CLVS1: variants seen among roughly 807,000 people sequenced by gnomAD.
CLVS1 encodes clavesin 1, also known as clavesin-1.
Under a neutral mutation model 33.1 loss-of-function variants are expected in CLVS1, and 10 were observed. The ratio of observed to expected loss-of-function variants is 0.30; its 90% CI spans 0.19 to 0.51. The LOEUF (loss-of-function observed/expected upper bound fraction) is 0.51. Ranked by LOEUF, CLVS1 falls within the 20% of genes least tolerant of loss-of-function variation. The probability of loss-of-function intolerance (pLI) is 0.97; values close to 1 mark genes in which losing one functional copy is unlikely to be tolerated. For missense variants in CLVS1, 343 were observed against 433.4 expected (o/e 0.79, Z 1.85); for synonymous variants, 163 against 166.1 (o/e 0.98, Z 0.14).
At chr8:61,427,122 A>C (rs527928114) in intron 3 of CLVS1, among the ~76,000 whole-genome samples, 1 of 152,352 alleles carries the variant, frequency 6.6e-6, no homozygotes, top group South Asian at 2.1e-4. Context: ...AAAGTTGATT[A>C]GAGTTTTGTT....
chr8:61,340,161 A>C (rs1811979143), intron 2 of CLVS1, among the ~76,000 whole-genome samples: 2 of 152,182 alleles, frequency 1.3e-5, no homozygotes, highest in African/African-American at 2.4e-5. Flanking sequence ...GGAGAGGAGA[A>C]AGTTAACATA....
chr8:61,137,013 G>A (rs1268191970), intron 2 of CLVS1, among the ~76,000 whole-genome samples: 2 of 152,196 alleles, frequency 1.3e-5, no homozygotes, highest in Non-Finnish European at 2.9e-5. Flanking sequence ...ACTTCTTCAA[G>A]TACAATGGGG....
chr8:61,256,793 A>T (rs1292844412), intron 2 of CLVS1, among the ~76,000 whole-genome samples: 2 of 152,240 alleles, frequency 1.3e-5, no homozygotes, highest in Non-Finnish European at 2.9e-5. Context: ...GTGACAAGTG[A>T]AGGAAGCAAT....
chr8:61,365,269 T>A (rs1813149823), intron 2 of CLVS1, among the ~76,000 whole-genome samples: 1 of 152,162 alleles, frequency 6.6e-6, no homozygotes, highest in South Asian at 2.1e-4. Context: ...GGCTCACGTC[T>A]GTAATCCCAG....
rs982685810 is a variant in CLVS1 at position 61,228,178 on chromosome 8, T to A, written c.-151-71499T>A. On this transcript the variant is annotated intron_variant, in intron 2 of 2. Transcript: ENST00000522621. ...ATCCATTTTAAAATTTGATTTTATT[T>A]AAAAAATTTTTAATTGACAAGTAAA... Among the ~76,000 whole-genome samples the A allele has an allele frequency of 2.6e-5, 4 of 152,206 alleles. No individual in the cohort carries two copies. In the South Asian group the frequency reaches 6.2e-4, roughly 24 times the overall value.
At chr8:61,293,644 G>A (rs16927156) in intron 1 of CLVS1, among the ~76,000 whole-genome samples, 35,596 of 151,876 alleles carry the variant, frequency 0.23, 6,964 homozygotes, top group East Asian at 0.84. Flanking sequence ...AATTTCTTTT[G>A]GTATTCCTAG....
intron 2 of CLVS1, among the ~76,000 whole-genome samples, chr8:61,156,675 T>A (rs55737817): frequency 6.6e-6 from 1 of 152,168 alleles, no homozygotes; most frequent in Non-Finnish European, 1.5e-5. Flanking sequence ...GGAAGGAAAA[T>A]TTTTAAACAA....
chr8:60,968,537 T>C, the CLVS1 span, among the ~76,000 whole-genome samples: 1 of 151,320 alleles, frequency 6.6e-6, no homozygotes, highest in Non-Finnish European at 1.5e-5. Context: ...AAAATCAAAT[T>C]TATAACCTGT....
At chr8:61,017,715 C>T in the CLVS1 span, among the ~76,000 whole-genome samples, 1 of 152,314 alleles carries the variant, frequency 6.6e-6, no homozygotes, top group Non-Finnish European at 1.5e-5. Context: ...AGTTTGCAAC[C>T]TTTAGAAGCA....
At chr8:61,200,747 T>C (rs902237546) in intron 2 of CLVS1, among the ~76,000 whole-genome samples, 4 of 152,242 alleles carry the variant, frequency 2.6e-5, no homozygotes, top group African/African-American at 9.6e-5. Flanking sequence ...CAGGACTAGT[T>C]ATCATCACTT....
chr8:61,059,499 T>TATAC lies in CLVS1; in HGVS notation c.-243+2270_-243+2271insTACA, dbSNP rs1265187479. On this transcript the variant is annotated intron_variant, in intron 1 of 2. Coordinates refer to the CLVS1 transcript ENST00000522621. ...ACATATATATATATATATATATATA[T>TATAC]ACACATATCTTGAAAATAGCACGAG... Among the ~76,000 whole-genome samples the TATAC allele has an allele frequency of 3.9e-4, 38 of 96,368 alleles. 2 individuals are homozygous for TATAC. Among genetic ancestry groups the TATAC allele is most frequent in the East Asian group, 3.9e-3 (7 of 1,818 alleles). 63.2% of individuals were successfully genotyped at this position (96,368 alleles called of 152,430 possible). A position where few individuals can be genotyped will look rare whatever the true frequency, so the allele number is the denominator to read the frequency against.
the CLVS1 span, among the ~76,000 whole-genome samples, chr8:60,986,874 T>G: frequency 6.6e-6 from 1 of 152,198 alleles, no homozygotes; most frequent in African/African-American, 2.4e-5. Flanking sequence ...GTAGTATCAT[T>G]CCTCAAACTG....
intron 2 of CLVS1, among the ~76,000 whole-genome samples, chr8:61,166,371 T>G (rs1806865716): frequency 6.6e-6 from 1 of 152,140 alleles, no homozygotes; most frequent in Admixed American, 6.6e-5. Context: ...TAACCTCAGG[T>G]GATCCTCCTG....
chr8:61,133,101 A>C (rs559223928), intron 2 of CLVS1, among the ~76,000 whole-genome samples: 6 of 152,224 alleles, frequency 3.9e-5, no homozygotes, highest in Non-Finnish European at 7.3e-5. Context: ...GCATCTGGGA[A>C]GCATCAACCA....
intron 1 of CLVS1, among the ~76,000 whole-genome samples, chr8:61,077,906 T>C (rs1303707366): frequency 1.3e-5 from 2 of 152,196 alleles, no homozygotes; most frequent in Non-Finnish European, 2.9e-5. Flanking sequence ...TGCGTTGCCA[T>C]GCACTGGGCA....
intron 5 of CLVS1, among the ~76,000 whole-genome samples, chr8:61,461,513 C>G (rs1310423549): frequency 6.6e-6 from 1 of 152,140 alleles, no homozygotes. Context: ...ATTTTTTGAA[C>G]TCCATGCATA....
rs143530705 is a variant in CLVS1 at position 61,438,175 on chromosome 8, G to C, written c.631-15966G>C. Among the ~76,000 whole-genome samples, 104 of 152,086 alleles carry C rather than the reference G, an allele frequency of 6.8e-4. 1 individual carries two copies. Among genetic ancestry groups the C allele is most frequent in the African/African-American group, 2.5e-3 (104 of 41,490 alleles). ...CTATTTTTCCTGATGCTCTCTGCTC[G>C]CACCCCCAACCTCCCCCAACAGGCA... On this transcript the variant is annotated intron_variant, in intron 3 of 5. Transcript: ENST00000325897.
chr8:61,047,339 A>G, the CLVS1 span, among the ~76,000 whole-genome samples: 6 of 152,232 alleles, frequency 3.9e-5, no homozygotes, highest in Admixed American at 1.3e-4. Context: ...AGAAATAGGA[A>G]CAATTTTACA....
At chr8:61,202,402 C>G in intron 2 of CLVS1, 1 of 764,578 alleles carries the variant, frequency 1.3e-6, no homozygotes, top group Non-Finnish European at 2.4e-6. Flanking sequence ...CCAGAACTAT[C>G]TTTTTGGTTG....
Sources: gnomAD v4.1 joint callset for allele counts (sites outside exome capture counted in the v4.1 genomes callset) on GRCh38, gnomAD v4.1.1 for gene constraint, MANE v1.5 for transcripts, NCBI Gene and HGNC (gene_info 2026-07-23, HGNC 2026-07-21) for gene names.